The following OSBPL10 variants were observed in gnomAD, a reference collection of about 807,000 sequenced individuals.
OSBPL10 encodes the protein oxysterol binding protein like 10, also known as oxysterol-binding protein-related protein 10.
Under a neutral mutation model 81.7 loss-of-function variants are expected in OSBPL10, and 49 were observed. The observed-to-expected ratio is 0.60, with a 90% CI of 0.48 to 0.76. OSBPL10 has a LOEUF of 0.76. OSBPL10 is among the 30% of genes least tolerant of loss of function. The pLI, the probability that OSBPL10 is intolerant of heterozygous loss-of-function variation, is 0.00. For missense variants in OSBPL10, 923 were observed against 987.8 expected, an observed-to-expected ratio of 0.93 and a Z score of 0.88; for synonymous variants, 419 against 383.6, an observed-to-expected ratio of 1.09 and a Z score of -1.08.
At chr3:31,683,573 T>C in intron 8 of OSBPL10, 61 bp downstream of exon 8, 1 of 1,549,038 alleles carries the variant, frequency 6.5e-7, no homozygotes, top group South Asian at 1.2e-5. Flanking sequence ...TTATCAATCA[T>C]CTACCAGGTA....
At chr3:31,863,788 C>A (rs1402662795) in intron 3 of OSBPL10, among the ~76,000 whole-genome samples, 3 of 151,874 alleles carry the variant, frequency 2.0e-5, no homozygotes, top group Admixed American at 2.0e-4. Flanking sequence ...ATAGTTCTCT[C>A]TCTATAAAAA....
intron 1 of OSBPL10, among the ~76,000 whole-genome samples, chr3:31,897,422 T>C (rs915020878): frequency 2.3e-4 from 35 of 152,220 alleles, no homozygotes; most frequent in African/African-American, 7.9e-4. Context: ...GTTAACATCC[T>C]TCCACAGCGG....
At chr3:31,898,226 T>C (rs989023798) in intron 1 of OSBPL10, among the ~76,000 whole-genome samples, 1 of 152,032 alleles carries the variant, frequency 6.6e-6, no homozygotes, top group Non-Finnish European at 1.5e-5. Flanking sequence ...AGGGTGACTA[T>C]AGTTAGTAAT....
intron 4 of OSBPL10, among the ~76,000 whole-genome samples, chr3:31,768,599 G>A (rs1698270094): frequency 6.6e-6 from 1 of 151,978 alleles, no homozygotes; most frequent in South Asian, 2.1e-4. Context: ...TTCACTCCAG[G>A]GATAAATTGG....
At chr3:31,755,435 T>C (rs12634715) in intron 4 of OSBPL10, among the ~76,000 whole-genome samples, 59,539 of 152,090 alleles carry the variant, frequency 0.39, 12,173 homozygotes, top group East Asian at 0.63. Flanking sequence ...CTATTCTCCC[T>C]TTCAGGAAAT....
chr3:31,832,591 T>C (rs887026719), intron 3 of OSBPL10, among the ~76,000 whole-genome samples: 1 of 152,162 alleles, frequency 6.6e-6, no homozygotes, highest in African/African-American at 2.4e-5. Context: ...ACCTATAATA[T>C]TGCTGGGGAT....
At chr3:31,989,377 T>A (rs2125519589) in intron 2 of OSBPL10, 1 of 1,614,172 alleles carries the variant, frequency 6.2e-7, no homozygotes, top group Non-Finnish European at 8.5e-7. Flanking sequence ...CATTGGAGAT[T>A]TTTGCTTCCA....
At chr3:32,020,084 C>T (rs538801041) in intron 2 of OSBPL10, among the ~76,000 whole-genome samples, 1 of 152,290 alleles carries the variant, frequency 6.6e-6, no homozygotes, top group African/African-American at 2.4e-5. Flanking sequence ...TCTTTGGGTA[C>T]AATTTGTTCT....
At chr3:31,922,071 C>T (rs1372167676) in intron 1 of OSBPL10, among the ~76,000 whole-genome samples, 2 of 152,152 alleles carry the variant, frequency 1.3e-5, no homozygotes, top group Admixed American at 6.5e-5. Context: ...AAACTGTCAT[C>T]GCAGTCAAGA....
chr3:31,803,248 C>T (rs1699435194), intron 4 of OSBPL10, among the ~76,000 whole-genome samples: 1 of 152,198 alleles, frequency 6.6e-6, no homozygotes. Context: ...CCCCTTCTCC[C>T]CAGAGAGGCG....
chr3:31,906,710 A>C (rs1696417470), intron 1 of OSBPL10: 1 of 152,232 alleles, frequency 6.6e-6, no homozygotes, highest in South Asian at 2.1e-4. Flanking sequence ...TCCTCTGAGC[A>C]GGAAGAAAAG....
chr3:31,915,413 A>T (rs1365437626), intron 1 of OSBPL10, among the ~76,000 whole-genome samples: 1 of 152,192 alleles, frequency 6.6e-6, no homozygotes, highest in Non-Finnish European at 1.5e-5. Flanking sequence ...CACATATATC[A>T]TGGAATACTA....
At chr3:31,794,931 A>AGGG (rs1214868494) in intron 4 of OSBPL10, 1 of 358,446 alleles carries the variant, frequency 2.8e-6, no homozygotes, top group Non-Finnish European at 5.5e-6. Context: ...GTGCCAGAGA[A>AGGG]GTGTCATTTG....
intron 7 of OSBPL10, among the ~76,000 whole-genome samples, chr3:31,694,608 A>G (rs1695659895): frequency 6.6e-6 from 1 of 152,176 alleles, no homozygotes; most frequent in African/African-American, 2.4e-5. Context: ...TATACACTAA[A>G]TATGTATCTA....
At chr3:31,912,990 T>A (rs1696631952) in intron 1 of OSBPL10, among the ~76,000 whole-genome samples, 1 of 152,202 alleles carries the variant, frequency 6.6e-6, no homozygotes, top group South Asian at 2.1e-4. Context: ...GAGATCTTAT[T>A]TGTGTTTGTA....
intron 1 of OSBPL10, among the ~76,000 whole-genome samples, chr3:31,961,514 G>T (rs1009954974): frequency 6.6e-6 from 1 of 152,180 alleles, no homozygotes; most frequent in Non-Finnish European, 1.5e-5. Flanking sequence ...GCTCTATTTA[G>T]AGAGTGTGTG....
At chr3:31,972,126 C>CAGT (rs1199060534) in intron 1 of OSBPL10, among the ~76,000 whole-genome samples, 4 of 152,228 alleles carry the variant, frequency 2.6e-5, no homozygotes, top group African/African-American at 9.6e-5. Flanking sequence ...CAGTGGCTCA[C>CAGT]GCCTGTAATC....
intron 3 of OSBPL10, among the ~76,000 whole-genome samples, chr3:31,872,473 C>G (rs1394731395): frequency 1.4e-5 from 2 of 144,408 alleles, no homozygotes; most frequent in Non-Finnish European, 3.0e-5. Flanking sequence ...TTTTTTAAGT[C>G]TGGGAATTGA....
At chr3:31,803,701 C>T (rs1038986636) in intron 4 of OSBPL10, among the ~76,000 whole-genome samples, 4 of 152,104 alleles carry the variant, frequency 2.6e-5, no homozygotes, top group African/African-American at 7.2e-5. Context: ...AGATCCAAAC[C>T]GGGATCCCAT....
Sources: gnomAD v4.1 joint callset for allele counts (sites outside exome capture counted in the v4.1 genomes callset) on GRCh38, gnomAD v4.1.1 for gene constraint, MANE v1.5 for transcripts, NCBI Gene and HGNC (gene_info 2026-07-23, HGNC 2026-07-21) for gene names.